ALG1: variants seen among roughly 807,000 people sequenced by gnomAD.
ALG1 encodes ALG1 chitobiosyldiphosphodolichol beta-mannosyltransferase, also known as chitobiosyldiphosphodolichol beta-mannosyltransferase.
ALG1 carries 58 observed loss-of-function variants against 55.1 expected under a neutral mutation model. The observed-to-expected ratio is 1.05, with a 90% CI of 0.85 to 1.31. The LOEUF is 1.31. Among genes scored for constraint, ALG1 ranks in the 50% most tolerant of loss-of-function variants. ALG1 has a pLI of 0.00. For synonymous variants in ALG1, 309 were observed against 247.0 expected (o/e 1.25, Z -2.35); for missense variants, 761 against 598.6 (o/e 1.27, Z -2.83).
At chr16:5,084,556 A>G in intron 12 of ALG1, 194 bp from the exon 13 acceptor site, 2 of 881,790 alleles carry the variant, frequency 2.3e-6, no homozygotes, top group South Asian at 1.6e-5. Context: ...ACATGCGGGG[A>G]AGTTTCCAGA....
rs544310996 is a variant in ALG1 at position 5,084,589 on chromosome 16, C to T, written c.1264-161C>T. 3.3e-3 allele frequency: 3,660 copies of T among 1,107,516 alleles called. 9 individuals carry two copies. Among genetic ancestry groups the T allele is most frequent in the Non-Finnish European group, 3.9e-3 (2,996 of 763,536 alleles). The allele number at this position is 1,107,516 out of a possible 1,614,324, so 68.6% of individuals were successfully genotyped here. A position where few individuals can be genotyped will look rare whatever the true frequency, so the allele number is the denominator to read the frequency against. ...AGAAACTGTGATGTCAAGTTGGAGG[C>T]GGAGTGCTGCTGGGGTGTGAAGGGT... is the stretch of plus-strand genomic sequence containing the variant. On this transcript the variant is annotated intron_variant, in intron 12 of 12. Coordinates refer to ENST00000262374, the MANE Select transcript of ALG1 (RefSeq NM_019109.5).
Position 5,086,521 on chromosome 16 carries a change from T to A in ALG1, c.*1640T>A, listed in dbSNP as rs1242727257. On this transcript the variant is annotated 3_prime_UTR_variant, in exon 13 of 13. Coordinates refer to ENST00000262374, the MANE Select transcript of ALG1 (RefSeq NM_019109.5). ...TGGAGTGCAGTGGCACAGTCATTGCTCACTACAGCCTCGACTCCTGGGCTC... is the reference window on the plus strand; with the variant it reads ...TGGAGTGCAGTGGCACAGTCATTGCACACTACAGCCTCGACTCCTGGGCTC... The A allele has an allele frequency of 6.6e-6, 1 of 152,048 alleles. No individual in the cohort carries two copies. The highest frequency in any genetic ancestry group is 2.4e-5 in the African/African-American group (1 of 41,420). 9.4% of individuals were successfully genotyped at this position (152,048 alleles called of 1,614,324 possible). A position where few individuals can be genotyped will look rare whatever the true frequency, so the allele number is the denominator to read the frequency against.
chr16:5,078,402 T>C, intron 6 of ALG1: 11 of 591,088 alleles, frequency 1.9e-5, no homozygotes, highest in South Asian at 1.7e-4. Flanking sequence ...CTCATGGGGC[T>C]AAGGAGGGGA....
At chr16:5,078,722 AT>A (rs1956959395) in intron 6 of ALG1, 34 bp from the exon 7 acceptor site, 1 of 1,612,104 alleles carries the variant, frequency 6.2e-7, no homozygotes, top group Non-Finnish European at 8.5e-7. Flanking sequence ...GGCCTGCTCT[AT>A]GGCCTCTCAC....
At chr16:5,077,683 G>C (rs1956938338) in intron 5 of ALG1, 149 bp downstream of exon 5, 1 of 1,022,544 alleles carries the variant, frequency 9.8e-7, no homozygotes, top group Non-Finnish European at 1.5e-6. Flanking sequence ...GGGGAAGCTG[G>C]GGGAGGAGGG....
At chr16:5,073,398 T>G (rs1956853993) in intron 3 of ALG1, 142 bp downstream of exon 3, 7 of 735,652 alleles carry the variant, frequency 9.5e-6, no homozygotes, top group Non-Finnish European at 1.7e-5. Flanking sequence ...GCCTATGGTA[T>G]GTGTCTATTT....
Position 5,072,067 on chromosome 16 carries a change from C to T in ALG1, c.208+10C>T, listed in dbSNP as rs1567165678. 1 of 1,480,892 alleles carries T rather than the reference C, an allele frequency of 6.8e-7. No homozygotes were observed. Among genetic ancestry groups the T allele is most frequent in the Non-Finnish European group, 9.1e-7 (1 of 1,104,846 alleles). 91.7% of individuals were successfully genotyped at this position (1,480,892 alleles called of 1,614,324 possible). ...CTCCTGGGGTTCTGCAGTGAGTGGC[C>T]AAGGGTCTGGGAGGGACGATGCTCT... On this transcript the variant is annotated intron_variant, in intron 1 of 12. Coordinates refer to ENST00000262374, the MANE Select transcript of ALG1 (RefSeq NM_019109.5).
intron 4 of ALG1, among the ~76,000 whole-genome samples, chr16:5,077,233 C>T (rs1956929123): frequency 6.6e-6 from 1 of 151,988 alleles, no homozygotes; most frequent in South Asian, 2.1e-4. Context: ...AGTGCAGTTT[C>T]CTTTTAAAGT....
chr16:5,073,761 C>G (rs1456122057), intron 3 of ALG1, among the ~76,000 whole-genome samples: 1 of 152,260 alleles, frequency 6.6e-6, no homozygotes, highest in African/African-American at 2.4e-5. Flanking sequence ...GCCGCCCAGG[C>G]TGGAGTGCAG....
intron 4 of ALG1, 88 bp downstream of exon 4, chr16:5,075,624 C>A: frequency 1.3e-6 from 2 of 1,547,678 alleles, no homozygotes; most frequent in Admixed American, 3.4e-5. Flanking sequence ...CTCCGGAAGT[C>A]GGTTCCTTGT....
intron 1 of ALG1, among the ~76,000 whole-genome samples, chr16:5,072,531 T>G (rs1012618496): frequency 3.9e-5 from 6 of 152,192 alleles, no homozygotes; most frequent in Non-Finnish European, 8.8e-5. Context: ...GTTGGTATCT[T>G]GAGAGGGTAG....
At chr16:5,073,314 C>G (rs1043554582) in intron 3 of ALG1, 58 bp downstream of exon 3, 1 of 1,487,882 alleles carries the variant, frequency 6.7e-7, no homozygotes, top group Non-Finnish European at 9.4e-7. Flanking sequence ...TACTTTCCAG[C>G]ACAAATTGGT....
intron 12 of ALG1, 155 bp from the exon 13 acceptor site, chr16:5,084,595 G>C: frequency 8.6e-7 from 1 of 1,167,934 alleles, no homozygotes; most frequent in Non-Finnish European, 1.2e-6. Flanking sequence ...GAGGCGGAGT[G>C]CTGCTGGGGT....
rs1010702683 is a variant in ALG1, at chr16:5,073,087, C to G, written c.286+59C>G. 3 of 1,611,482 alleles carry G rather than the reference C, an allele frequency of 1.9e-6. No individual in the cohort carries two copies. In the South Asian group the frequency reaches 3.3e-5, roughly 18 times the overall value. ...CCATGGGCTGGGGGCAGGGGGTGTTCGTTTGAAAAGCCGTGCAGATTGCCA... is the reference window on the plus strand; with the variant it reads ...CCATGGGCTGGGGGCAGGGGGTGTTGGTTTGAAAAGCCGTGCAGATTGCCA... On this transcript the variant is annotated intron_variant, in intron 2 of 12. Transcript: ENST00000262374.
chr16:5,072,056 C>A lies in ALG1; in HGVS notation c.207C>A (p.Cys69Ter). Residue 69 changes from cysteine (C) to a stop codon, truncating the protein, a stop_gained and splice_region_variant, in exon 1 of 13, where the codon TGC becomes TGA. Coordinates refer to ENST00000262374, the MANE Select transcript of ALG1 (RefSeq NM_019109.5). LOFTEE classifies it high-confidence loss of function. Reference protein sequence around the residue: ...HGFSVTLLGFCNSKPHDELLQ... With the variant: ...HGFSVTLLGF ...TCTCGGTGACCCTCCTGGGGTTCTG[C>A]AGTGAGTGGCCAAGGGTCTGGGAGG... 1 of 1,557,708 alleles carries A rather than the reference C, an allele frequency of 6.4e-7. No homozygotes were observed.
intron 3 of ALG1, 39 bp from the exon 4 acceptor site, chr16:5,075,349 G>T: frequency 6.2e-7 from 1 of 1,609,438 alleles, no homozygotes. Context: ...GCCTAGCATG[G>T]TCTGGGTTTC....
intron 2 of ALG1, 44 bp from the exon 3 acceptor site, chr16:5,073,109 G>T: frequency 1.2e-6 from 2 of 1,612,546 alleles, no homozygotes; most frequent in Non-Finnish European, 1.7e-6. Flanking sequence ...CGTGCAGATT[G>T]CCAGACGCTC....
intron 8 of ALG1, among the ~76,000 whole-genome samples, chr16:5,079,383 A>G (rs1221485886): frequency 6.6e-6 from 1 of 152,140 alleles, no homozygotes; most frequent in African/African-American, 2.4e-5. Flanking sequence ...GACTCTGGCT[A>G]TTGTTTATTT....
intron 12 of ALG1, 100 bp from the exon 13 acceptor site, chr16:5,084,650 G>A: frequency 1.3e-6 from 2 of 1,559,034 alleles, no homozygotes; most frequent in Non-Finnish European, 1.7e-6. Context: ...GACTTGGGAG[G>A]GGTTGTTGTT....
Sources: gnomAD v4.1 joint callset for allele counts (sites outside exome capture counted in the v4.1 genomes callset) on GRCh38, gnomAD v4.1.1 for gene constraint, MANE v1.5 for transcripts, NCBI Gene and HGNC (gene_info 2026-07-23, HGNC 2026-07-21) for gene names.